Variants in ASB14 observed in about 807,000 individuals in gnomAD.
The protein encoded by ASB14 is ankyrin repeat and SOCS box containing 14, also known as ankyrin repeat and SOCS box protein 14.
Under a neutral mutation model 55.6 loss-of-function variants are expected in ASB14, and 63 were observed. The observed-to-expected ratio is 1.13, with a 90% CI of 0.92 to 1.40. The LOEUF is 1.40. Ranked by LOEUF, ASB14 falls within the 40% of genes most tolerant of loss-of-function variation. ASB14 has a pLI of 0.00. For missense variants in ASB14, 724 were observed against 710.4 expected, an observed-to-expected ratio of 1.02 and a Z score of -0.22; for synonymous variants, 256 against 259.9, an observed-to-expected ratio of 0.98 and a Z score of 0.15.
At position 57,288,289 on chromosome 3, in the gene ASB14, A is replaced by G; in HGVS notation, c.179-3T>C. On this transcript the variant is annotated splice_region_variant and splice_polypyrimidine_tract_variant and intron_variant, in intron 3 of 10. Coordinates refer to ENST00000487349, the MANE Select transcript of ASB14 (RefSeq NM_001142733.3). ...GTGTGACAATGCATCTTCCTTACCTATTAACGAGTCAAATGAGAACAGATT... is the reference window on the plus strand; with the variant it reads ...GTGTGACAATGCATCTTCCTTACCTGTTAACGAGTCAAATGAGAACAGATT... 1 of 1,537,054 alleles carries G rather than the reference A, an allele frequency of 6.5e-7. No homozygotes were observed. The highest frequency in any genetic ancestry group is 8.7e-7 in the Non-Finnish European group (1 of 1,146,704).
intron 10 of ASB14, among the ~76,000 whole-genome samples, chr3:57,275,411 C>T (rs979861100): frequency 2.0e-5 from 3 of 149,926 alleles, no homozygotes; most frequent in African/African-American, 7.4e-5. Flanking sequence ...GAGATCATGC[C>T]ACCGCAGTCC....
intron 6 of ASB14, among the ~76,000 whole-genome samples, chr3:57,281,836 A>G (rs942786310): frequency 6.6e-6 from 1 of 152,188 alleles, no homozygotes; most frequent in African/African-American, 2.4e-5. Context: ...CACTCTAGCA[A>G]TGCAGGGTGA....
rs747869036 is a variant in ASB14, at chr3:57,278,897, A to G, written c.911T>C (p.Val304Ala). ...CTGCTTAATGGCAGCAAGATCCGTA[A>G]CTGGAATCAGTATCTTTAGAGCTCT... ...HLLALKILIP[V>A]TDLAAIKQSG... Residue 304 changes from valine (V) to alanine (A), a missense_variant, in exon 8 of 11, where the codon GTT becomes GCT. Val to Ala is a moderately conservative substitution (Grantham distance 64). Transcript: ENST00000487349. 6.2e-7 allele frequency: 1 copy of G among 1,613,602 alleles called. No homozygotes were observed. The highest frequency in any genetic ancestry group is 1.1e-5 in the South Asian group (1 of 91,072).
intron 3 of ASB14, 148 bp downstream of exon 3, chr3:57,288,920 G>A (rs1051603145): frequency 3.8e-6 from 2 of 529,160 alleles, no homozygotes; most frequent in African/African-American, 4.0e-5. Context: ...GTTTCACCAT[G>A]TTGGCCAGGC....
intron 10 of ASB14, among the ~76,000 whole-genome samples, chr3:57,273,656 A>G (rs1399343427): frequency 6.6e-6 from 1 of 152,174 alleles, no homozygotes; most frequent in South Asian, 2.1e-4. Flanking sequence ...CTAATCGATC[A>G]CTGGTGACTG....
chr3:57,276,803 G>GT, intron 9 of ASB14, 75 bp from the exon 10 acceptor site: 1 of 1,349,564 alleles, frequency 7.4e-7, no homozygotes, highest in Non-Finnish European at 1.0e-6. Context: ...GTTAGCAAAC[G>GT]TATTTGATAG....
chr3:57,279,035 ACCC>A, intron 7 of ASB14, 115 bp from the exon 8 acceptor site: 1 of 959,732 alleles, frequency 1.0e-6, no homozygotes, highest in Admixed American at 2.9e-5. Flanking sequence ...GGCATTTAGA[ACCC>A]ACAACCAAAA....
At chr3:57,278,076 C>A (rs1435735044) in intron 8 of ASB14, among the ~76,000 whole-genome samples, 156 bp from the exon 9 acceptor site, 1 of 152,140 alleles carries the variant, frequency 6.6e-6, no homozygotes, top group East Asian at 1.9e-4. Context: ...TGTACTTATC[C>A]TGATTCTTTT....
Position 57,269,239 on chromosome 3 carries a change from G to A in ASB14, c.*402C>T, listed in dbSNP as rs2060917709. Reference sequence around the variant, plus strand: ...AAGGAGTGTGGGGGTGATCCCTTTCGAGGGTTTTACTATAATATATAGTGA... The same window carrying A: ...AAGGAGTGTGGGGGTGATCCCTTTCAAGGGTTTTACTATAATATATAGTGA... On this transcript the variant is annotated 3_prime_UTR_variant, in exon 11 of 11. Coordinates refer to ENST00000487349, the MANE Select transcript of ASB14 (RefSeq NM_001142733.3). 1 of 208,012 alleles carries A rather than the reference G, an allele frequency of 4.8e-6. No individual in the cohort carries two copies. The highest frequency in any genetic ancestry group is 2.3e-5 in the African/African-American group (1 of 43,158). The allele number at this position is 208,012 out of a possible 1,614,324, so 12.9% of individuals were successfully genotyped here. A position where few individuals can be genotyped will look rare whatever the true frequency, so the allele number is the denominator to read the frequency against.
chr3:57,269,710 C>T, intron 10 of ASB14, 92 bp from the exon 11 acceptor site: 8 of 1,611,204 alleles, frequency 5.0e-6, no homozygotes, highest in Non-Finnish European at 6.8e-6. Flanking sequence ...GGTAGATATT[C>T]CCCCTTGGAA....
chr3:57,283,302 G>T lies in ASB14; in HGVS notation c.607C>A (p.Leu203Met). The change falls in exon 6 of 11, where the codon CTG becomes ATG. Residue 203 changes from leucine to methionine, a missense_variant. Coordinates refer to ENST00000487349, the MANE Select transcript of ASB14 (RefSeq NM_001142733.3). The stretch of plus-strand genomic sequence containing the variant: ...GGGTCAGGGTGTGCCCCAGAAACCA[G>T]CATAAGCTTCACCATGTCCTCTCTG... ...LGREDMVKLM[L>M]VSGAHPDPQS... 1 of 1,551,866 alleles carries T rather than the reference G, an allele frequency of 6.4e-7. No individual in the cohort carries two copies. The highest frequency in any genetic ancestry group is 8.7e-7 in the Non-Finnish European group (1 of 1,147,040).
At chr3:57,286,283 T>C (rs1469232302) in intron 5 of ASB14, among the ~76,000 whole-genome samples, 2 of 152,122 alleles carry the variant, frequency 1.3e-5, no homozygotes, top group African/African-American at 2.4e-5. Flanking sequence ...TCTTTTTTTT[T>C]TTCAGCTTTT....
At chr3:57,282,909 A>G (rs377458594) in intron 6 of ASB14, among the ~76,000 whole-genome samples, 1 of 152,168 alleles carries the variant, frequency 6.6e-6, no homozygotes, top group Non-Finnish European at 1.5e-5. Context: ...GAAAAGGACA[A>G]CACCACAAAA....
At chr3:57,276,346 C>T (rs1045451247) in intron 10 of ASB14, among the ~76,000 whole-genome samples, 182 bp downstream of exon 10, 5 of 151,332 alleles carry the variant, frequency 3.3e-5, no homozygotes, top group African/African-American at 1.2e-4. Flanking sequence ...AGTGCAGTGG[C>T]GTGATCACAG....
intron 2 of ASB14, among the ~76,000 whole-genome samples, chr3:57,290,676 C>T (rs149321390): frequency 1.3e-5 from 2 of 152,298 alleles, no homozygotes; most frequent in African/African-American, 4.8e-5. Context: ...CAAGTAAATG[C>T]ATAACCACAG....
At chr3:57,272,406 ATG>A (rs2060948479) in intron 10 of ASB14, 1 of 152,172 alleles carries the variant, frequency 6.6e-6, no homozygotes, top group African/African-American at 2.4e-5. Context: ...GGGGTGGTAA[ATG>A]TGTTTCCACT....
At chr3:57,280,508 T>G in intron 6 of ASB14, 35 bp from the exon 7 acceptor site, 1 of 1,515,484 alleles carries the variant, frequency 6.6e-7, no homozygotes, top group Non-Finnish European at 8.9e-7. Context: ...ATGCAAAAAT[T>G]ATTTTCCACT....
At chr3:57,278,301 G>A (rs890646939) in intron 8 of ASB14, 76 bp downstream of exon 8, 89 of 1,175,660 alleles carry the variant, frequency 7.6e-5, no homozygotes, top group Non-Finnish European at 9.9e-5. Context: ...GAGAGTGGAT[G>A]TAATCTATTT....
At chr3:57,277,612 G>A (rs1347503230) in intron 9 of ASB14, among the ~76,000 whole-genome samples, 155 bp downstream of exon 9, 1 of 152,152 alleles carries the variant, frequency 6.6e-6, no homozygotes, top group African/African-American at 2.4e-5. Context: ...TACAAATTAA[G>A]TGTAGTTAGT....
Sources: gnomAD v4.1 joint callset for allele counts (sites outside exome capture counted in the v4.1 genomes callset) on GRCh38, gnomAD v4.1.1 for gene constraint, MANE v1.5 for transcripts, NCBI Gene and HGNC (gene_info 2026-07-23, HGNC 2026-07-21) for gene names.